Variants in OSBPL10 observed in about 807,000 individuals in gnomAD.
OSBPL10 encodes the protein oxysterol binding protein like 10, also known as oxysterol-binding protein-related protein 10.
A neutral mutation model predicts 81.7 loss-of-function variants in OSBPL10; 49 were observed. That is an observed-to-expected ratio of 0.60 (90% confidence interval 0.48 to 0.76). OSBPL10 has a LOEUF of 0.76. OSBPL10 is among the 30% of genes least tolerant of loss of function. The pLI, the probability that OSBPL10 is intolerant of heterozygous loss-of-function variation, is 0.00. For missense variants in OSBPL10, 923 were observed against 987.8 expected (o/e 0.93, Z 0.88); for synonymous variants, 419 against 383.6 (o/e 1.09, Z -1.08).
At chr3:31,778,300 C>A (rs897893850) in intron 4 of OSBPL10, among the ~76,000 whole-genome samples, 1 of 152,146 alleles carries the variant, frequency 6.6e-6, no homozygotes, top group East Asian at 1.9e-4. Flanking sequence ...GGAACATAAC[C>A]CTATTGGCCT....
chr3:31,787,388 A>C (rs1698885314), intron 4 of OSBPL10, among the ~76,000 whole-genome samples: 1 of 152,110 alleles, frequency 6.6e-6, no homozygotes, highest in Non-Finnish European at 1.5e-5. Flanking sequence ...TGAGGTCAGG[A>C]GTTCCAGACC....
At chr3:32,027,266 G>C (rs1238585493) in intron 2 of OSBPL10, among the ~76,000 whole-genome samples, 2 of 152,102 alleles carry the variant, frequency 1.3e-5, no homozygotes, top group African/African-American at 4.8e-5. Flanking sequence ...ACTTATGAGT[G>C]AGAACATGCG....
At chr3:31,735,869 T>C (rs1697142268) in intron 5 of OSBPL10, among the ~76,000 whole-genome samples, 1 of 152,170 alleles carries the variant, frequency 6.6e-6, no homozygotes. Flanking sequence ...TACTTGTTGA[T>C]TGTCTCTCCT....
chr3:31,837,326 T>C (rs1454406379), intron 3 of OSBPL10, among the ~76,000 whole-genome samples: 1 of 4,490 alleles, frequency 2.2e-4, no homozygotes, highest in African/African-American at 1.4e-3. Context: ...CCAAATTATA[T>C]ATATATATAT....
At chr3:32,010,273 C>T (rs543850486) in intron 2 of OSBPL10, among the ~76,000 whole-genome samples, 10 of 152,186 alleles carry the variant, frequency 6.6e-5, no homozygotes, top group Middle Eastern at 3.4e-3. Flanking sequence ...ACTGCCAGTG[C>T]CTTGTTCTTG....
chr3:32,071,773 C>T (rs1323450177), intron 1 of OSBPL10, among the ~76,000 whole-genome samples: 1 of 152,238 alleles, frequency 6.6e-6, no homozygotes, highest in Non-Finnish European at 1.5e-5. Flanking sequence ...GTGTCTCCCA[C>T]AGTTACCATT....
chr3:32,028,244 A>G (rs908421424), intron 2 of OSBPL10, among the ~76,000 whole-genome samples: 2 of 152,256 alleles, frequency 1.3e-5, no homozygotes, highest in Non-Finnish European at 2.9e-5. Flanking sequence ...TGTCAAATGT[A>G]CTGAGGATCA....
intron 4 of OSBPL10, among the ~76,000 whole-genome samples, chr3:31,763,277 A>G (rs1698107435): frequency 6.6e-6 from 1 of 152,222 alleles, no homozygotes; most frequent in Non-Finnish European, 1.5e-5. Context: ...TTACTGACTC[A>G]CTTCAGAAGT....
At chr3:31,678,030 G>C (rs1015299374) in intron 8 of OSBPL10, among the ~76,000 whole-genome samples, 1 of 143,330 alleles carries the variant, frequency 7.0e-6, no homozygotes, top group South Asian at 2.2e-4. Context: ...GCAGTGAGCC[G>C]AGATTGCGCC....
intron 4 of OSBPL10, among the ~76,000 whole-genome samples, chr3:31,799,379 TAAAA>T (rs61157535): frequency 5.3e-5 from 3 of 56,214 alleles, no homozygotes; most frequent in East Asian, 6.7e-4. Flanking sequence ...CCTATCTCTT[TAAAA>T]AAAAAAAAAA....
chr3:31,852,868 C>T (rs1403624439), intron 3 of OSBPL10, among the ~76,000 whole-genome samples: 1 of 152,134 alleles, frequency 6.6e-6, no homozygotes, highest in Non-Finnish European at 1.5e-5. Flanking sequence ...TGTGAGCCAC[C>T]ACGCCTGGCT....
intron 3 of OSBPL10, among the ~76,000 whole-genome samples, chr3:31,862,349 C>A (rs931264255): frequency 7.4e-4 from 113 of 152,188 alleles, no homozygotes; most frequent in African/African-American, 2.7e-3. Context: ...AAGACCGAAG[C>A]CTGGTTTAAT....
At chr3:31,827,447 T>C (rs763816916) in intron 4 of OSBPL10, among the ~76,000 whole-genome samples, 3 of 152,210 alleles carry the variant, frequency 2.0e-5, no homozygotes, top group East Asian at 1.9e-4. Flanking sequence ...CCAGCCTGGC[T>C]AACACGGTGA....
At chr3:31,841,141 C>A (rs1014474415) in intron 3 of OSBPL10, among the ~76,000 whole-genome samples, 2 of 152,176 alleles carry the variant, frequency 1.3e-5, no homozygotes, top group Non-Finnish European at 2.9e-5. Context: ...CTCCCGACCT[C>A]GGGTGATCCA....
At chr3:32,044,593 T>C (rs952742359) in intron 2 of OSBPL10, among the ~76,000 whole-genome samples, 2 of 150,996 alleles carry the variant, frequency 1.3e-5, no homozygotes, top group African/African-American at 4.9e-5. Flanking sequence ...AATACAAAAT[T>C]AGTCAGGCGT....
At chr3:31,727,536 T>C (rs968319172) in intron 6 of OSBPL10, among the ~76,000 whole-genome samples, 1 of 152,186 alleles carries the variant, frequency 6.6e-6, no homozygotes, top group African/African-American at 2.4e-5. Flanking sequence ...ATCAATGATA[T>C]TTCCTATGCA....
At chr3:31,902,176 G>A (rs561877431) in intron 1 of OSBPL10, among the ~76,000 whole-genome samples, 2 of 151,860 alleles carry the variant, frequency 1.3e-5, no homozygotes, top group Admixed American at 1.3e-4. Context: ...CTGTGCTAAG[G>A]TTTAAACAAG....
chr3:32,056,106 G>A (rs1699710473), intron 1 of OSBPL10, among the ~76,000 whole-genome samples: 2 of 152,122 alleles, frequency 1.3e-5, no homozygotes, highest in South Asian at 4.1e-4. Context: ...GTCCTATCAT[G>A]ATTTGCTTTT....
At chr3:31,770,084 G>C (rs1470384875) in intron 4 of OSBPL10, among the ~76,000 whole-genome samples, 1 of 152,076 alleles carries the variant, frequency 6.6e-6, no homozygotes, top group Non-Finnish European at 1.5e-5. Flanking sequence ...CAAAGATAAA[G>C]CAATCAATAA....
Sources: allele counts gnomAD v4.1 joint callset (sites outside exome capture counted in the v4.1 genomes callset), GRCh38; gene constraint gnomAD v4.1.1; transcripts MANE v1.5; gene names NCBI Gene and HGNC (gene_info 2026-07-23, HGNC 2026-07-21).